Variants in CFAP97 observed in about 807,000 individuals in gnomAD.
CFAP97 encodes the protein cilia and flagella associated protein 97, also known as cilia- and flagella-associated protein 97.
Under a neutral mutation model 43.1 loss-of-function variants are expected in CFAP97, and 36 were observed. The observed-to-expected ratio is 0.84, with a 90% confidence interval of 0.64 to 1.10. CFAP97 has a LOEUF of 1.10. Ranked by LOEUF, CFAP97 falls within the 50% of genes least tolerant of loss-of-function variation. CFAP97 has a pLI of 0.00. For missense variants in CFAP97, 657 were observed against 620.3 expected, an observed-to-expected ratio of 1.06 and a Z score of -0.63; for synonymous variants, 228 against 225.7, an observed-to-expected ratio of 1.01 and a Z score of -0.09.
At chr4:185,173,207 C>CA (rs1471963062) in intron 3 of CFAP97, among the ~76,000 whole-genome samples, 3 of 151,664 alleles carry the variant, frequency 2.0e-5, no homozygotes, top group African/African-American at 7.3e-5. Context: ...ACTAAAAATA[C>CA]AAAAAATTAG....
upstream of CFAP97, chr4:185,209,600 T>G: frequency 5.2e-6 from 2 of 384,944 alleles, no homozygotes; most frequent in Non-Finnish European, 7.1e-6. This position sits in a 1 kb window ranked among gnomAD's most constrained non-coding sequence, Gnocchi z 5.2. Context: ...CAGGCTTCAG[T>G]CACAACACGG....
chr4:185,181,103 C>A (rs1397027880), intron 2 of CFAP97, among the ~76,000 whole-genome samples: 1 of 151,256 alleles, frequency 6.6e-6, no homozygotes, highest in Non-Finnish European at 1.5e-5. Context: ...TGTCTGCAGA[C>A]AAAATACTCT....
chr4:185,203,736 T>C (rs1160965771), intron 1 of CFAP97, 162 bp downstream of exon 1: 3 of 152,138 alleles, frequency 2.0e-5, no homozygotes, highest in South Asian at 4.2e-4. Context: ...GGCGCCCCTG[T>C]CGTGGGGGCG....
rs1322337175 is a variant in CFAP97 at position 185,190,492 on chromosome 4, T to TG, written c.704dup (p.Ser236LysfsTer11). On this transcript the variant is annotated frameshift_variant, in exon 2 of 5. Transcript: ENST00000458385. LOFTEE classifies it high-confidence loss of function. ...AGTGGCCACATTTTGGTGTAGTACT[T>TG]GAAGGCTGTGTTTCTGTCGATTTTA... 15 of 1,613,868 alleles carry TG rather than the reference T, an allele frequency of 9.3e-6. No homozygotes were observed. The highest frequency in any genetic ancestry group is 1.2e-5 in the Non-Finnish European group (14 of 1,179,886).
chr4:185,206,938 G>A (rs1337217382), upstream of CFAP97, among the ~76,000 whole-genome samples: 1 of 152,178 alleles, frequency 6.6e-6, no homozygotes, highest in Non-Finnish European at 1.5e-5. Context: ...GGCTGCTAGT[G>A]TAACCTGGAG....
rs1356550169 is a variant in CFAP97 at position 185,162,895 on chromosome 4, C to T, written c.1502G>A (p.Gly501Asp). Reference protein sequence around the residue: ...RASRTSSATSGLSCRSERSAV... With the variant: ...RASRTSSATSDLSCRSERSAV... ...TGATCGCTCACTCCTACAACTGAGA[C>T]CACTCGTAGCACTGGATGTCCTGGA... The change falls in exon 5 of 5, where the codon GGT (glycine) becomes GAT (aspartate). Residue 501 changes from glycine (G) to aspartate (D), a missense_variant. By Grantham distance (94) the Gly-to-Asp change is moderately conservative (BLOSUM62 -1). Coordinates refer to ENST00000458385, the MANE Select transcript of CFAP97 (RefSeq NM_020827.3). 6.2e-7 allele frequency: 1 copy of T among 1,600,830 alleles called. No homozygotes were observed. Among genetic ancestry groups the T allele is most frequent in the Admixed American group, 1.8e-5 (1 of 56,458 alleles).
Position 185,199,563 on chromosome 4 carries a change from G to A in CFAP97, c.-17+4335C>T, listed in dbSNP as rs150113274. On this transcript the variant is annotated intron_variant, in intron 1 of 4. Coordinates refer to ENST00000458385, the MANE Select transcript of CFAP97 (RefSeq NM_020827.3). ...TTTATATTAATAGTCTCAGCTACTCGGGAGGCTGAGGCATGAGAATCACTT... is the reference window on the plus strand; with the variant it reads ...TTTATATTAATAGTCTCAGCTACTCAGGAGGCTGAGGCATGAGAATCACTT... Among the ~76,000 whole-genome samples, 305 of 151,872 alleles carry A rather than the reference G, an allele frequency of 2.0e-3. 2 individuals carry two copies. Among genetic ancestry groups the A allele is most frequent in the African/African-American group, 6.0e-3 (250 of 41,406 alleles).
At chr4:185,206,093 T>C (rs557512271), upstream of CFAP97, among the ~76,000 whole-genome samples, 1 of 152,034 alleles carries the variant, frequency 6.6e-6, no homozygotes, top group African/African-American at 2.4e-5. Context: ...CTGTGGAAAA[T>C]AGTATGGCAT....
upstream of CFAP97, chr4:185,210,191 C>T (rs1737512381): frequency 2.0e-6 from 2 of 984,810 alleles, no homozygotes; most frequent in Non-Finnish European, 2.4e-6. The surrounding 1 kb of genome is among the most constrained non-coding windows in gnomAD (Gnocchi z 4.4). Flanking sequence ...CGCGCCCAGC[C>T]GCCCGACTTC....
intron 2 of CFAP97, among the ~76,000 whole-genome samples, chr4:185,181,466 C>T (rs1307781232): frequency 6.6e-6 from 1 of 151,498 alleles, no homozygotes; most frequent in Non-Finnish European, 1.5e-5. Flanking sequence ...GCTGGGATTA[C>T]AGGCATGTGC....
chr4:185,196,212 G>T (rs1204195457), intron 1 of CFAP97, among the ~76,000 whole-genome samples: 1 of 152,136 alleles, frequency 6.6e-6, no homozygotes, highest in African/African-American at 2.4e-5. Context: ...AGTGGCTCAC[G>T]CCTGTAATCC....
intron 1 of CFAP97, among the ~76,000 whole-genome samples, chr4:185,194,491 A>T (rs922063449): frequency 1.3e-5 from 2 of 152,196 alleles, no homozygotes; most frequent in African/African-American, 4.8e-5. Context: ...CTCCATCTCA[A>T]AAAAAAGAAA....
At chr4:185,185,203 A>G (rs986929564) in intron 2 of CFAP97, among the ~76,000 whole-genome samples, 1 of 152,096 alleles carries the variant, frequency 6.6e-6, no homozygotes, top group Non-Finnish European at 1.5e-5. Context: ...AGTGAGCTGT[A>G]CTTTTTTTTT....
intron 3 of CFAP97, chr4:185,170,258 A>C: frequency 1.5e-6 from 1 of 655,578 alleles, no homozygotes; most frequent in Non-Finnish European, 2.8e-6. Context: ...AGGCAGGAGA[A>C]TCACTTGAAC....
At chr4:185,164,659 G>A (rs1420748225) in intron 3 of CFAP97, among the ~76,000 whole-genome samples, 1 of 152,078 alleles carries the variant, frequency 6.6e-6, no homozygotes, top group Non-Finnish European at 1.5e-5. Flanking sequence ...ATGGCTTCAG[G>A]CTGCTAAAAG....
chr4:185,175,513 C>A (rs1339461779), intron 3 of CFAP97, among the ~76,000 whole-genome samples: 4 of 152,064 alleles, frequency 2.6e-5, no homozygotes, highest in African/African-American at 9.7e-5. Flanking sequence ...TTGCCTCAAG[C>A]GATCTGCCCA....
At chr4:185,165,569 C>T (rs1053076050) in intron 3 of CFAP97, among the ~76,000 whole-genome samples, 5 of 152,178 alleles carry the variant, frequency 3.3e-5, no homozygotes, top group African/African-American at 1.2e-4. Context: ...TTCAAACTTT[C>T]TCTGAAGGAA....
At chr4:185,193,442 C>T (rs946117791) in intron 1 of CFAP97, among the ~76,000 whole-genome samples, 9 of 152,018 alleles carry the variant, frequency 5.9e-5, no homozygotes, top group Non-Finnish European at 8.8e-5. Context: ...GTCAGGAGTT[C>T]GAGACTACTC....
chr4:185,173,227 G>T (rs1735377279), intron 3 of CFAP97, among the ~76,000 whole-genome samples: 1 of 151,928 alleles, frequency 6.6e-6, no homozygotes, highest in Non-Finnish European at 1.5e-5. Context: ...GCCAGGCATG[G>T]TAGCAGGCGC....
Sources: gnomAD v4.1 joint callset for allele counts (sites outside exome capture counted in the v4.1 genomes callset) on GRCh38, gnomAD v4.1.1 for gene constraint, Gnocchi (gnomAD v3.1) non-coding constraint, MANE v1.5 for transcripts, NCBI Gene and HGNC (gene_info 2026-07-23, HGNC 2026-07-21) for gene names.